ASXL1: variants seen among roughly 807,000 people sequenced by gnomAD.
ASXL1 encodes the protein ASXL transcriptional regulator 1, also known as polycomb group protein ASXL1.
In ASXL1, 65 loss-of-function variants were observed where a neutral mutation model predicts 89.1. The observed-to-expected ratio is 0.73, with a 90% confidence interval of 0.60 to 0.90. The LOEUF is 0.90. Ranked by LOEUF, ASXL1 falls within the 40% of genes least tolerant of loss-of-function variation. ASXL1 has a pLI of 0.00. For synonymous variants in ASXL1, 739 were observed against 746.9 expected, an observed-to-expected ratio of 0.99 and a Z score of 0.17; for missense variants, 1,786 against 1,942.9, an observed-to-expected ratio of 0.92 and a Z score of 1.52.
At chr20:32,388,218 C>T (rs181365768) in intron 4 of ASXL1, among the ~76,000 whole-genome samples, 4 of 152,070 alleles carry the variant, frequency 2.6e-5, no homozygotes, top group African/African-American at 7.2e-5. Context: ...TCTGTCACCC[C>T]AGCTGGAATG....
chr20:32,367,559 C>G (rs562709786), intron 2 of ASXL1, among the ~76,000 whole-genome samples, 168 bp from the exon 3 acceptor site: 1 of 152,318 alleles, frequency 6.6e-6, no homozygotes, highest in African/African-American at 2.4e-5. Context: ...TTCAAACGTT[C>G]TCAAGTTGAT....
chr20:32,362,449 A>G (rs2122780855), intron 1 of ASXL1, among the ~76,000 whole-genome samples: 1 of 152,284 alleles, frequency 6.6e-6, no homozygotes, highest in East Asian at 1.9e-4. Context: ...ATCCTGGCTA[A>G]CACGGTGAAA....
chr20:32,374,663 G>A (rs564030854), intron 4 of ASXL1, among the ~76,000 whole-genome samples: 47 of 152,070 alleles, frequency 3.1e-4, no homozygotes, highest in African/African-American at 1.1e-3. Context: ...TTACTAACTA[G>A]TCTCTTGTTA....
At chr20:32,426,430 A>G (rs1485850466) in intron 4 of ASXL1, among the ~76,000 whole-genome samples, 1 of 152,002 alleles carries the variant, frequency 6.6e-6, no homozygotes, top group East Asian at 1.9e-4. Flanking sequence ...GTTTTATTAT[A>G]CCAAGAACAT....
intron 1 of ASXL1, 93 bp from the exon 2 acceptor site, chr20:32,366,291 G>A (rs1262547168): frequency 6.3e-6 from 7 of 1,105,012 alleles, no homozygotes; most frequent in Non-Finnish European, 9.7e-6. Context: ...GTCACCAGCG[G>A]TACCTCATAG....
At chr20:32,368,135 A>T (rs925992274) in intron 3 of ASXL1, among the ~76,000 whole-genome samples, 1 of 152,156 alleles carries the variant, frequency 6.6e-6, no homozygotes, top group African/African-American at 2.4e-5. Context: ...AGCTATTTAT[A>T]TATTTTTTAA....
chr20:32,393,723 G>GCCTC (rs1184632719), intron 4 of ASXL1, among the ~76,000 whole-genome samples: 2 of 152,118 alleles, frequency 1.3e-5, no homozygotes, highest in Admixed American at 6.5e-5. Flanking sequence ...GCCCACCTCA[G>GCCTC]CCTCCCAAAG....
chr20:32,437,933 T>C lies in ASXL1; in HGVS notation c.*595T>C, dbSNP rs747795206. On this transcript the variant is annotated 3_prime_UTR_variant, in exon 13 of 13. Coordinates refer to ENST00000375687, the MANE Select transcript of ASXL1 (RefSeq NM_015338.6). ...TGTTGCTGAAGCAAATTTGGAACTTTTCTGTCTCAGTGTGATCCACTAACC... is the reference window on the plus strand; with the variant it reads ...TGTTGCTGAAGCAAATTTGGAACTTCTCTGTCTCAGTGTGATCCACTAACC... 6 of 240,334 alleles carry C rather than the reference T, an allele frequency of 2.5e-5. No individual in the cohort carries two copies. The highest frequency in any genetic ancestry group is 6.0e-5 in the East Asian group (1 of 16,752). The allele number at this position is 240,334 out of a possible 1,614,324, so 14.9% of individuals were successfully genotyped here.
chr20:32,429,413 C>T lies in ASXL1; in HGVS notation c.547C>T (p.His183Tyr), dbSNP rs755747902. 7 of 1,614,032 alleles carry T rather than the reference C, an allele frequency of 4.3e-6. No homozygotes were observed. In the South Asian group the frequency reaches 7.7e-5, roughly 18 times the overall value. Residue 183 changes from histidine (H) to tyrosine (Y), a missense_variant, in exon 7 of 13, where the codon CAC (histidine) becomes TAC (tyrosine). His to Tyr is a moderately conservative substitution (Grantham distance 83). This residue lies in a region of ASXL1 where 332 missense variants were observed against 449.7 expected (regional missense o/e 0.74). Transcript: ENST00000375687. This position sits in a 1 kb window ranked among gnomAD's most constrained non-coding sequence, Gnocchi z 4.9. ...GACTCCTCTGAAGGTAAACGGGGCC[C>T]ACGTGGAATCTGCATCAGGTATGTG... ...VLTPLKVNGAHVESASGFSGC... is the reference protein window; with the variant it reads ...VLTPLKVNGAYVESASGFSGC...
At chr20:32,433,257 A>G (rs1387137601) in intron 11 of ASXL1, 27 bp from the exon 12 acceptor site, 3 of 1,614,086 alleles carry the variant, frequency 1.9e-6, no homozygotes, top group African/African-American at 1.3e-5. Context: ...CTGGCCTGAA[A>G]CTGATGGCTG....
In ASXL1 at chr20:32,435,559, T is replaced by A; in HGVS notation, c.2847T>A (p.Gly949=). 6.2e-7 allele frequency: 1 copy of A among 1,613,764 alleles called. No individual in the cohort carries two copies. Among genetic ancestry groups the A allele is most frequent in the Non-Finnish European group, 8.5e-7 (1 of 1,179,964 alleles). ...ALPGDLTAEE[G]LDPLDSLTSL... is the part of the protein sequence containing the mutation. Reference sequence around the variant, plus strand: ...CTGGGGATTTGACAGCTGAGGAGGGTCTAGATCCTCTTGACAGCCTTACTT... The same window carrying A: ...CTGGGGATTTGACAGCTGAGGAGGGACTAGATCCTCTTGACAGCCTTACTT... The change falls in exon 13 of 13, where the codon GGT becomes GGA. Residue 949 remains glycine, a synonymous_variant. Coordinates refer to ENST00000375687, the MANE Select transcript of ASXL1 (RefSeq NM_015338.6).
In ASXL1 at chr20:32,433,005, G is replaced by A; in HGVS notation, c.1085+20G>A. 6.2e-7 allele frequency: 1 copy of A among 1,613,094 alleles called. No individual in the cohort carries two copies. Among genetic ancestry groups the A allele is most frequent in the Non-Finnish European group, 8.5e-7 (1 of 1,179,938 alleles). On this transcript the variant is annotated intron_variant, in intron 11 of 12. Coordinates refer to ENST00000375687, the MANE Select transcript of ASXL1 (RefSeq NM_015338.6). ...ACAGAAGTAAGGCAGTTGGAGCTAT[G>A]AGTCCTGGTCTGGGGTTTTGAGGGG...
At chr20:32,369,189 T>C (rs1423628392) in intron 4 of ASXL1, 66 bp downstream of exon 4, 2 of 1,426,382 alleles carry the variant, frequency 1.4e-6, no homozygotes, top group Non-Finnish European at 2.0e-6. Flanking sequence ...AAAAATCACC[T>C]GGTAGGTCTG....
At position 32,434,473 on chromosome 20, in the gene ASXL1, T is replaced by TC; in HGVS notation, c.1762dup (p.Gln588ProfsTer31). 1 of 1,614,096 alleles carries TC rather than the reference T, an allele frequency of 6.2e-7. No individual in the cohort carries two copies. The highest frequency in any genetic ancestry group is 8.5e-7 in the Non-Finnish European group (1 of 1,180,016). ...TCAAACCACCCTGGGTGGTTAAAGG[T>TC]CAGCCCACTTACCAGATATGCCCCC... On this transcript the variant is annotated frameshift_variant, in exon 13 of 13. Coordinates refer to ENST00000375687, the MANE Select transcript of ASXL1 (RefSeq NM_015338.6). LOFTEE classifies it low-confidence loss of function (END_TRUNC).
intron 4 of ASXL1, among the ~76,000 whole-genome samples, chr20:32,412,208 A>G (rs1168441067): frequency 1.3e-5 from 2 of 152,198 alleles, no homozygotes; most frequent in Non-Finnish European, 2.9e-5. Context: ...GTTTCATTCT[A>G]ACTTTACCTT....
rs772255605 is a variant in ASXL1 at position 32,433,703 on chromosome 20, C to T, written c.1505C>T (p.Ala502Val). 9 of 1,612,030 alleles carry T rather than the reference C, an allele frequency of 5.6e-6. No individual in the cohort carries two copies. The highest frequency in any genetic ancestry group is 3.3e-5 in the Admixed American group (2 of 59,894). ...CCAGACAACTTGGCACGTGCCTCTGCATCTCCAGACAGAATTCCTAGCCTG... is the reference window on the plus strand; with the variant it reads ...CCAGACAACTTGGCACGTGCCTCTGTATCTCCAGACAGAATTCCTAGCCTG... ...AEPDNLARASASPDRIPSLPQ... is the reference protein window; with the variant it reads ...AEPDNLARASVSPDRIPSLPQ... The change falls in exon 12 of 13, where the codon GCA becomes GTA. Residue 502 changes from alanine to valine, a missense_variant. By Grantham distance (64) the Ala-to-Val change is moderately conservative. Around this residue, in one of 3 missense-constraint regions of ASXL1, gnomAD observed 1,418 missense variants for 1,427.8 expected, o/e 0.99. Coordinates refer to ENST00000375687, the MANE Select transcript of ASXL1 (RefSeq NM_015338.6).
chr20:32,414,444 C>T (rs779685447), intron 4 of ASXL1, among the ~76,000 whole-genome samples: 19 of 151,050 alleles, frequency 1.3e-4, no homozygotes, highest in Middle Eastern at 3.4e-3. Context: ...AGCTGTAGTA[C>T]GTGTCTGTGG....
At position 32,437,488 on chromosome 20, in the gene ASXL1, C is replaced by A. The variant is rs1258250250; in HGVS notation, c.*150C>A. On this transcript the variant is annotated 3_prime_UTR_variant, in exon 13 of 13. Coordinates refer to ENST00000375687, the MANE Select transcript of ASXL1 (RefSeq NM_015338.6). ...CCAAAATTTACACTGCTAAAGCCCT[C>A]TGTCACTTGGCGACCCTTCTGGTCT... 7.9e-7 allele frequency: 1 copy of A among 1,270,130 alleles called. No homozygotes were observed. Among genetic ancestry groups the A allele is most frequent in the Non-Finnish European group, 1.1e-6 (1 of 904,216 alleles). 78.7% of individuals were successfully genotyped at this position (1,270,130 alleles called of 1,614,324 possible).
At chr20:32,371,307 A>G (rs1000131055) in intron 4 of ASXL1, among the ~76,000 whole-genome samples, 2 of 152,080 alleles carry the variant, frequency 1.3e-5, no homozygotes, top group South Asian at 2.1e-4. Context: ...ATTTTTTGAG[A>G]TAGGGTCTTG....
Sources: allele counts gnomAD v4.1 joint callset (sites outside exome capture counted in the v4.1 genomes callset), GRCh38; gene constraint gnomAD v4.1.1; regional missense constraint gnomAD v4.1.1; non-coding constraint Gnocchi (gnomAD v3.1); transcripts MANE v1.5; gene names NCBI Gene and HGNC (gene_info 2026-07-23, HGNC 2026-07-21).